Variants in RHOC observed in about 807,000 individuals in gnomAD.
RHOC encodes ras homolog family member C.
A neutral mutation model predicts 19.5 loss-of-function variants in RHOC; 13 were observed. The observed-to-expected ratio is 0.67, with a 90% CI of 0.43 to 1.06. RHOC has a LOEUF of 1.06. Ranked by LOEUF, RHOC falls within the 50% of genes least tolerant of loss-of-function variation. RHOC has a pLI of 0.00. For synonymous variants in RHOC, 106 were observed against 97.3 expected (o/e 1.09, Z -0.52); for missense variants, 173 against 256.9 (o/e 0.67, Z 2.23).
chr1:112,706,501 CACACACACACACA>C (rs1674891148), intron 1 of RHOC, among the ~76,000 whole-genome samples: 1 of 59,556 alleles, frequency 1.7e-5, no homozygotes, highest in Admixed American at 2.2e-4. Flanking sequence ...CACACACACA[CACACACACACACA>C]CACACACACA....
chr1:112,706,487 CACACACACA>C lies in RHOC; in HGVS notation c.-77+582_-77+590del, dbSNP rs1674883025. Among the ~76,000 whole-genome samples the C allele has an allele frequency of 1.7e-3, 44 of 25,220 alleles. 5 individuals carry two copies. The highest frequency in any genetic ancestry group is 6.4e-3 in the Admixed American group (11 of 1,712). The allele number at this position is 25,220 out of a possible 152,430, so 16.5% of individuals were successfully genotyped here. ...CACCACACACACACACACACACACACACACACACACACACACACACACACACACACACAC... is the reference window on the plus strand; with the variant it reads ...CACCACACACACACACACACACACACCACACACACACACACACACACACAC... On this transcript the variant is annotated intron_variant, in intron 1 of 5. Coordinates refer to ENST00000339083, the MANE Select transcript of RHOC (RefSeq NM_175744.5).
intron 5 of RHOC, 125 bp downstream of exon 5, chr1:112,702,438 A>C (rs1251608134): frequency 3.9e-6 from 4 of 1,038,116 alleles, no homozygotes; most frequent in Non-Finnish European, 5.7e-6. Context: ...GTCCTCCCTC[A>C]CCAGGAGATA....
Position 112,701,298 on chromosome 1 carries a change from G to A in RHOC, c.*242C>T. The stretch of plus-strand genomic sequence containing the variant: ...TGGTGTGTGACCATCCTTTGGGGAA[G>A]GTCAAAGGGGGCAAGATCCCCAGGG... On this transcript the variant is annotated 3_prime_UTR_variant, in exon 6 of 6. Coordinates refer to ENST00000339083, the MANE Select transcript of RHOC (RefSeq NM_175744.5). 1 of 1,115,056 alleles carries A rather than the reference G, an allele frequency of 9.0e-7. No homozygotes were observed. The highest frequency in any genetic ancestry group is 1.3e-6 in the Non-Finnish European group (1 of 793,468). 69.1% of individuals were successfully genotyped at this position (1,115,056 alleles called of 1,614,324 possible).
At chr1:112,706,473 CA>C (rs1557780675) in intron 1 of RHOC, among the ~76,000 whole-genome samples, 61 of 3,382 alleles carry the variant, frequency 0.018, 3 homozygotes, top group African/African-American at 0.039. Flanking sequence ...ACCACACACA[CA>C]CACACACACA....
chr1:112,701,362 G>GCGCTGGGAGGGCC lies in RHOC; in HGVS notation c.*177_*178insGGCCCTCCCAGCG. On this transcript the variant is annotated 3_prime_UTR_variant, in exon 6 of 6. Transcript: ENST00000339083. ...GCAGGGCATAGGCGTGGCTCCCAGA[G>GCGCTGGGAGGGCC]CGCTGGGAGGGAGGGCCCGTGCCAC... 6.6e-7 allele frequency: 1 copy of GCGCTGGGAGGGCC among 1,509,614 alleles called. No homozygotes were observed. Among genetic ancestry groups the GCGCTGGGAGGGCC allele is most frequent in the Non-Finnish European group, 8.9e-7 (1 of 1,124,428 alleles). The allele number at this position is 1,509,614 out of a possible 1,614,324, so 93.5% of individuals were successfully genotyped here. A position where few individuals can be genotyped will look rare whatever the true frequency, so the allele number is the denominator to read the frequency against.
chr1:112,706,486 A>ACACACACACACCCCCACAC (rs1674882566), intron 1 of RHOC, among the ~76,000 whole-genome samples: 1 of 17,638 alleles, frequency 5.7e-5, no homozygotes, highest in Non-Finnish European at 1.2e-4. Context: ...ACACACACAC[A>ACACACACACACCCCCACAC]CACACACACA....
At chr1:112,702,442 G>A in intron 5 of RHOC, 121 bp downstream of exon 5, 3 of 1,075,994 alleles carry the variant, frequency 2.8e-6, no homozygotes, top group South Asian at 1.5e-5. Context: ...TCCCTCACCA[G>A]GAGATATTAC....
chr1:112,707,142 G>A (rs915657195), upstream of RHOC: 4 of 151,064 alleles, frequency 2.6e-5, no homozygotes, highest in African/African-American at 7.3e-5. Context: ...CCAGGGCCCC[G>A]CCCCGCCCTC....
intron 3 of RHOC, 123 bp downstream of exon 3, chr1:112,703,521 A>T: frequency 1.2e-6 from 1 of 864,008 alleles, no homozygotes; most frequent in South Asian, 1.4e-5. Context: ...CCTAACTTTT[A>T]CTGGTTCCAG....
chr1:112,703,017 C>T lies in RHOC; in HGVS notation c.259G>A (p.Asp87Asn), dbSNP rs1674711681. ...CCCTCACCCAGGCTGTCAGGGCTGT[C>T]GATGGAGAAGCACATGAGGATGACA... ...TDVILMCFSI[D>N]SPDSLENIPE... The change falls in exon 4 of 6, where the codon GAC (aspartate) becomes AAC (asparagine). Residue 87 changes from aspartate to asparagine, a missense_variant. This residue lies in a region of RHOC where 92 missense variants were observed against 171.1 expected (regional missense o/e 0.54). Transcript: ENST00000339083. 1.9e-6 allele frequency: 3 copies of T among 1,613,914 alleles called. No homozygotes were observed. Among genetic ancestry groups the T allele is most frequent in the East Asian group, 2.2e-5 (1 of 44,862 alleles).
chr1:112,704,740 C>G (rs1322397869), intron 2 of RHOC: 1 of 242,814 alleles, frequency 4.1e-6, no homozygotes, highest in Non-Finnish European at 8.2e-6. Flanking sequence ...GCCCACAGCT[C>G]GAGTTTGGGC....
rs1267632653 is a variant in RHOC at position 112,701,451 on chromosome 1, C to G, written c.*89G>C. 5 of 1,612,824 alleles carry G rather than the reference C, an allele frequency of 3.1e-6. No individual in the cohort carries two copies. In the African/African-American group the frequency reaches 6.7e-5, roughly 22 times the overall value. On this transcript the variant is annotated 3_prime_UTR_variant, in exon 6 of 6. Coordinates refer to ENST00000339083, the MANE Select transcript of RHOC (RefSeq NM_175744.5). Reference sequence around the variant, plus strand: ...GGGAACTGAAAATGGGAGCCTTCAGCATGGAGCCCTCAGGAGGCTGGGGTT... The same window carrying G: ...GGGAACTGAAAATGGGAGCCTTCAGGATGGAGCCCTCAGGAGGCTGGGGTT...
intron 4 of RHOC, 144 bp from the exon 5 acceptor site, chr1:112,702,837 T>G (rs972238021): frequency 7.4e-7 from 1 of 1,357,368 alleles, no homozygotes; most frequent in African/African-American, 1.4e-5. Context: ...AACAGTAGTA[T>G]GCCCTCAGAG....
At position 112,705,277 on chromosome 1, in the gene RHOC, C is replaced by T. The variant is rs1411323680; in HGVS notation, c.-76-109G>A. On this transcript the variant is annotated intron_variant, in intron 1 of 5. Coordinates refer to ENST00000339083, the MANE Select transcript of RHOC (RefSeq NM_175744.5). ...ACCAGGCAGGGAGCAGTTAAGAAAG[C>T]GACGGTAACCTGATCTCAGCCTCAA... 23 of 675,218 alleles carry T rather than the reference C, an allele frequency of 3.4e-5. No individual in the cohort carries two copies. In the Admixed American group the frequency reaches 4.7e-4, roughly 14 times the overall value. The allele number at this position is 675,218 out of a possible 1,614,324, so 41.8% of individuals were successfully genotyped here. A position where few individuals can be genotyped will look rare whatever the true frequency, so the allele number is the denominator to read the frequency against.
Position 112,705,090 on chromosome 1 carries a change from G to A in RHOC, c.-8+10C>T. On this transcript the variant is annotated intron_variant, in intron 2 of 5. Coordinates refer to ENST00000339083, the MANE Select transcript of RHOC (RefSeq NM_175744.5). ...CCTCACTTCCTCCTTCCCTGGGGAG[G>A]GGAACTGACCTCCAGCCGGCTGAAG... The A allele has an allele frequency of 1.4e-6, 1 of 702,534 alleles. No individual in the cohort carries two copies. The highest frequency in any genetic ancestry group is 2.6e-6 in the Non-Finnish European group (1 of 384,824). The allele number at this position is 702,534 out of a possible 1,614,324, so 43.5% of individuals were successfully genotyped here. A position where few individuals can be genotyped will look rare whatever the true frequency, so the allele number is the denominator to read the frequency against.
intron 1 of RHOC, among the ~76,000 whole-genome samples, chr1:112,706,430 T>TCCACAC (rs1491269480): frequency 2.0e-5 from 1 of 49,694 alleles, no homozygotes; most frequent in African/African-American, 8.7e-5. Flanking sequence ...TCTCTCTCTC[T>TCCACAC]ACACACACAC....
At chr1:112,706,488 A>ACCCACAC (rs1557780761) in intron 1 of RHOC, among the ~76,000 whole-genome samples, 1 of 26,044 alleles carries the variant, frequency 3.8e-5, no homozygotes, top group Non-Finnish European at 7.7e-5. Context: ...ACACACACAC[A>ACCCACAC]CACACACACA....
Position 112,701,339 on chromosome 1 carries a change from A to G in RHOC, c.*201T>C. The G allele has an allele frequency of 2.1e-6, 3 of 1,448,064 alleles. No homozygotes were observed. The highest frequency in any genetic ancestry group is 2.8e-6 in the Non-Finnish European group (3 of 1,082,572). The allele number at this position is 1,448,064 out of a possible 1,614,324, so 89.7% of individuals were successfully genotyped here. A position where few individuals can be genotyped will look rare whatever the true frequency, so the allele number is the denominator to read the frequency against. ...ATCCCCAGGGGCCCTGAGGAAGGGC[A>G]GGGCATAGGCGTGGCTCCCAGAGCG... is the stretch of plus-strand genomic sequence containing the variant. On this transcript the variant is annotated 3_prime_UTR_variant, in exon 6 of 6. Transcript: ENST00000339083.
intron 1 of RHOC, among the ~76,000 whole-genome samples, chr1:112,706,451 A>ACACACACACACACAC (rs1557780474): frequency 0.019 from 459 of 23,610 alleles, 38 homozygotes; most frequent in African/African-American, 0.049. Context: ...ACACACACAC[A>ACACACACACACACAC]CACACACACA....
Sources: allele counts gnomAD v4.1 joint callset (sites outside exome capture counted in the v4.1 genomes callset), GRCh38; gene constraint gnomAD v4.1.1; regional missense constraint gnomAD v4.1.1; transcripts MANE v1.5; gene names NCBI Gene and HGNC (gene_info 2026-07-23, HGNC 2026-07-21).